SGCZ: variants seen among roughly 807,000 people sequenced by gnomAD.
The protein encoded by SGCZ is zeta-sarcoglycan.
In SGCZ, 40 loss-of-function variants were observed where a neutral mutation model predicts 41.3. The ratio of observed to expected loss-of-function variants is 0.97; its 90% CI spans 0.75 to 1.26. The LOEUF is 1.26. Among genes scored for constraint, SGCZ ranks in the 50% most tolerant of loss-of-function variants. The pLI is 0.00. For synonymous variants in SGCZ, 206 were observed against 137.5 expected (o/e 1.50, Z -3.49); for missense variants, 552 against 369.8 (o/e 1.49, Z -4.04).
intron 1 of SGCZ, among the ~76,000 whole-genome samples, chr8:14,628,951 A>T (rs1362375591): frequency 6.6e-6 from 1 of 152,142 alleles, no homozygotes; most frequent in East Asian, 1.9e-4. Flanking sequence ...GATTCACCCC[A>T]TTTCTGAGTC....
chr8:14,598,718 T>G (rs989752405), intron 1 of SGCZ, among the ~76,000 whole-genome samples: 1 of 151,986 alleles, frequency 6.6e-6, no homozygotes, highest in African/African-American at 2.4e-5. Flanking sequence ...TTTGTAGAGA[T>G]ATGTTTTTGC....
chr8:14,615,138 C>T (rs13277681), intron 1 of SGCZ, among the ~76,000 whole-genome samples: 51,899 of 151,930 alleles, frequency 0.34, 9,095 homozygotes, highest in East Asian at 0.62. Context: ...TATGACTGTA[C>T]TACATTTGGA....
chr8:14,706,152 A>G (rs1381592984), intron 1 of SGCZ, among the ~76,000 whole-genome samples: 1 of 151,998 alleles, frequency 6.6e-6, no homozygotes, highest in Non-Finnish European at 1.5e-5. Flanking sequence ...ATGAAATCTT[A>G]TCTGTAAATT....
At chr8:14,101,008 A>T (rs1013653820) in intron 7 of SGCZ, among the ~76,000 whole-genome samples, 3 of 152,172 alleles carry the variant, frequency 2.0e-5, no homozygotes, top group Admixed American at 6.5e-5. Flanking sequence ...AAGAACTTTC[A>T]AAATTGTAGT....
chr8:14,378,449 A>C (rs1161913205), intron 2 of SGCZ, among the ~76,000 whole-genome samples: 4 of 152,216 alleles, frequency 2.6e-5, no homozygotes, highest in Non-Finnish European at 5.9e-5. Flanking sequence ...TAAACTTAAG[A>C]GCTTCTGTAC....
intron 3 of SGCZ, among the ~76,000 whole-genome samples, chr8:14,291,105 G>C (rs1446781281): frequency 6.6e-6 from 1 of 152,038 alleles, no homozygotes; most frequent in Non-Finnish European, 1.5e-5. Flanking sequence ...CTCATGTGTG[G>C]AATCTAAAAA....
intron 1 of SGCZ, among the ~76,000 whole-genome samples, chr8:15,019,686 T>A (rs1803180226): frequency 6.6e-6 from 1 of 151,650 alleles, no homozygotes; most frequent in African/African-American, 2.4e-5. Context: ...GTCACAGGAA[T>A]CTCACTGTGA....
intron 2 of SGCZ, among the ~76,000 whole-genome samples, chr8:14,354,129 C>T (rs759236115): frequency 3.9e-5 from 6 of 151,928 alleles, no homozygotes; most frequent in South Asian, 2.1e-4. Context: ...TATAAAAGTG[C>T]GTATCTCTGT....
At chr8:14,407,904 T>C (rs768487217) in intron 2 of SGCZ, among the ~76,000 whole-genome samples, 6 of 152,202 alleles carry the variant, frequency 3.9e-5, no homozygotes, top group Non-Finnish European at 8.8e-5. Flanking sequence ...AAAAGGAACC[T>C]CTTGAGTCTC....
chr8:14,706,469 T>G (rs1243311938), intron 1 of SGCZ, among the ~76,000 whole-genome samples: 2 of 152,138 alleles, frequency 1.3e-5, no homozygotes, highest in Non-Finnish European at 2.9e-5. Context: ...GCCTTTTTGA[T>G]TGTAGACACA....
intron 1 of SGCZ, among the ~76,000 whole-genome samples, chr8:15,233,821 C>A (rs1802037851): frequency 6.6e-6 from 1 of 152,026 alleles, no homozygotes; most frequent in Admixed American, 6.6e-5. Flanking sequence ...TAACTTCCAG[C>A]CAGTCATCCC....
chr8:14,321,017 G>T (rs1000674829), intron 3 of SGCZ, among the ~76,000 whole-genome samples: 1 of 152,046 alleles, frequency 6.6e-6, no homozygotes, highest in African/African-American at 2.4e-5. Flanking sequence ...AAGATTAGGT[G>T]TCCTAAATTC....
chr8:14,799,926 G>A (rs10090706), intron 1 of SGCZ, among the ~76,000 whole-genome samples: 16,710 of 152,006 alleles, frequency 0.11, 1,339 homozygotes, highest in East Asian at 0.22. Flanking sequence ...TCTGCCTTTC[G>A]TTGATAAGTA....
chr8:15,060,223 T>C (rs778190522), intron 1 of SGCZ, among the ~76,000 whole-genome samples: 2 of 152,068 alleles, frequency 1.3e-5, no homozygotes. Context: ...TGCACACATA[T>C]GTTTATTGCA....
At chr8:14,452,342 A>G (rs958608016) in intron 2 of SGCZ, among the ~76,000 whole-genome samples, 1 of 152,208 alleles carries the variant, frequency 6.6e-6, no homozygotes, top group Middle Eastern at 3.4e-3. Context: ...GTGGATTTCC[A>G]GGACAGTAAA....
At chr8:14,681,514 A>G (rs530029604) in intron 1 of SGCZ, among the ~76,000 whole-genome samples, 62 of 152,318 alleles carry the variant, frequency 4.1e-4, no homozygotes, top group Middle Eastern at 3.4e-3. Context: ...CCACCTATGT[A>G]TATGTTACCT....
rs1048130761 is a variant in SGCZ, at chr8:14,772,077, T to C, written c.40-217151A>G. On this transcript the variant is annotated intron_variant, in intron 1 of 7. Transcript: ENST00000382080. Reference sequence around the variant, plus strand: ...GAGCATCCATAGAACCATTCTGTTTTTCACTTTCAATATAGTATTCAATAA... The same window carrying C: ...GAGCATCCATAGAACCATTCTGTTTCTCACTTTCAATATAGTATTCAATAA... Among the ~76,000 whole-genome samples the C allele has an allele frequency of 2.0e-5, 3 of 152,264 alleles. 1 individual carries two copies. Among genetic ancestry groups the C allele is most frequent in the Admixed American group, 6.5e-5 (1 of 15,288 alleles).
intron 3 of SGCZ, among the ~76,000 whole-genome samples, chr8:14,261,858 G>A (rs760243928): frequency 1.3e-5 from 2 of 152,114 alleles, no homozygotes; most frequent in Non-Finnish European, 2.9e-5. Flanking sequence ...TTTGAAGACG[G>A]TCAGAGGATC....
At chr8:14,761,308 C>T (rs897170028) in intron 1 of SGCZ, among the ~76,000 whole-genome samples, 1 of 151,860 alleles carries the variant, frequency 6.6e-6, no homozygotes, top group African/African-American at 2.4e-5. Context: ...GTTGATATGT[C>T]ATATTGATAT....
Sources: gnomAD v4.1 joint callset for allele counts (sites outside exome capture counted in the v4.1 genomes callset) on GRCh38, gnomAD v4.1.1 for gene constraint, MANE v1.5 for transcripts, NCBI Gene and HGNC (gene_info 2026-07-23, HGNC 2026-07-21) for gene names.